Variants in CYP2B6 observed in about 807,000 individuals in gnomAD.
The protein encoded by CYP2B6 is cytochrome P450 2B6.
CYP2B6 carries 35 observed loss-of-function variants against 43.4 expected under a neutral mutation model. The observed-to-expected ratio is 0.81, with a 90% CI of 0.62 to 1.07. CYP2B6 has a LOEUF of 1.07. Ranked by LOEUF, CYP2B6 falls within the 50% of genes least tolerant of loss-of-function variation. CYP2B6 has a pLI of 0.00. For missense variants in CYP2B6, 624 were observed against 632.8 expected (o/e 0.99, Z 0.15); for synonymous variants, 239 against 239.2 (o/e 1.00, Z 0.01).
At chr19:41,004,259 T>G in intron 2 of CYP2B6, 38 bp from the exon 3 acceptor site, 11 of 1,613,860 alleles carry the variant, frequency 6.8e-6, no homozygotes, top group Non-Finnish European at 9.3e-6. Flanking sequence ...TTCTTCCAAC[T>G]TCTTCTACAA....
chr19:41,003,279 T>C (rs1244695535), intron 1 of CYP2B6, among the ~76,000 whole-genome samples: 4 of 152,016 alleles, frequency 2.6e-5, no homozygotes, highest in Non-Finnish European at 5.9e-5. Context: ...CTGAGCACTA[T>C]GCATACTCTT....
chr19:41,013,513 C>A (rs1023568564), intron 8 of CYP2B6, among the ~76,000 whole-genome samples: 4 of 152,074 alleles, frequency 2.6e-5, no homozygotes, highest in African/African-American at 7.3e-5. Context: ...AGGACAAAGG[C>A]CAAAGGTAGA....
At chr19:41,015,559 C>T (rs1330738741) in intron 8 of CYP2B6, among the ~76,000 whole-genome samples, 1 of 152,158 alleles carries the variant, frequency 6.6e-6, no homozygotes, top group Non-Finnish European at 1.5e-5. Context: ...TTCCAGCACC[C>T]TTTGTTCTTA....
Position 41,004,153 on chromosome 19 carries a change from C to G in CYP2B6, c.324C>G (p.Phe108Leu), listed in dbSNP as rs200207800. The change falls in exon 2 of 9, where the codon TTC (phenylalanine) becomes TTG (leucine). Residue 108 changes from phenylalanine (F) to leucine (L), a missense_variant. Phe to Leu is a conservative substitution (Grantham distance 22). Transcript: ENST00000324071. Reference sequence around the variant, plus strand: ...AAATCGCCATGGTCGACCCATTCTTCCGGGGATATGGTGAGAGCCTCAGAG... The same window carrying G: ...AAATCGCCATGGTCGACCCATTCTTGCGGGGATATGGTGAGAGCCTCAGAG... ...RGKIAMVDPFFRGYGVIFANG... is the reference protein window; with the variant it reads ...RGKIAMVDPFLRGYGVIFANG... 7.6e-7 allele frequency: 1 copy of G among 1,314,600 alleles called. No individual in the cohort carries two copies. The highest frequency in any genetic ancestry group is 1.2e-5 in the South Asian group (1 of 86,266). 81.4% of individuals were successfully genotyped at this position (1,314,600 alleles called of 1,614,324 possible). A position where few individuals can be genotyped will look rare whatever the true frequency, so the allele number is the denominator to read the frequency against.
At chr19:40,997,996 G>T (rs553483243) in intron 1 of CYP2B6, among the ~76,000 whole-genome samples, 29 of 152,162 alleles carry the variant, frequency 1.9e-4, no homozygotes, top group Middle Eastern at 3.4e-3. Context: ...CAGCTACTTG[G>T]GAGACTGAGG....
rs35303484 is a variant in CYP2B6 at position 40,991,441 on chromosome 19, A to G, written c.136A>G (p.Met46Val). Residue 46 changes from methionine to valine, a missense_variant, in exon 1 of 9, where the codon ATG (methionine) becomes GTG (valine). Transcript: ENST00000324071. ...PLPLLGNLLQ[M>V]DRRGLLKSFL... ...GCCCCTTTTGGGAAACCTTCTGCAG[A>G]TGGATAGAAGAGGCCTACTCAAATC... 5,367 of 1,613,972 alleles carry G rather than the reference A, an allele frequency of 3.3e-3. 15 individuals are homozygous for G. Among genetic ancestry groups the G allele is most frequent in the Middle Eastern group, 0.011 (69 of 6,030 alleles).
chr19:40,995,591 G>A (rs1197629787), intron 1 of CYP2B6, among the ~76,000 whole-genome samples: 1 of 152,182 alleles, frequency 6.6e-6, no homozygotes, highest in Non-Finnish European at 1.5e-5. Flanking sequence ...TTGGCATAAA[G>A]TATTATAGCC....
chr19:41,016,962 C>T lies in CYP2B6; in HGVS notation c.*135C>T, dbSNP rs1969380666. 8.2e-6 allele frequency: 7 copies of T among 852,352 alleles called. No homozygotes were observed. 52.8% of individuals were successfully genotyped at this position (852,352 alleles called of 1,614,324 possible). ...AAGCCAGCTTCCTTCCCCTCCATGG[C>T]ACCAGTTGTCTGAGGTCACATTGCA... On this transcript the variant is annotated 3_prime_UTR_variant, in exon 9 of 9. Coordinates refer to ENST00000324071, the MANE Select transcript of CYP2B6 (RefSeq NM_000767.5).
At chr19:41,001,319 T>G (rs1969082345) in intron 1 of CYP2B6, among the ~76,000 whole-genome samples, 1 of 152,082 alleles carries the variant, frequency 6.6e-6, no homozygotes, top group Admixed American at 6.6e-5. Context: ...CTAAAACTCT[T>G]TCATAAACCT....
rs1310824490 is a variant in CYP2B6 at position 41,016,387 on chromosome 19, G to A, written c.1295-259G>A. On this transcript the variant is annotated intron_variant, in intron 8 of 8. Coordinates refer to ENST00000324071, the MANE Select transcript of CYP2B6 (RefSeq NM_000767.5). Reference sequence around the variant, plus strand: ...TGTGCTCCAGTCTGGGTGACAAAGAGAGACTCCATCTCAAAAAAAAAAAAA... The same window carrying A: ...TGTGCTCCAGTCTGGGTGACAAAGAAAGACTCCATCTCAAAAAAAAAAAAA... Among the ~76,000 whole-genome samples the A allele has an allele frequency of 7.0e-5, 7 of 100,296 alleles. No homozygotes were observed. In the East Asian group the frequency reaches 2.4e-3, roughly 34 times the overall value. 65.8% of individuals were successfully genotyped at this position (100,296 alleles called of 152,430 possible).
At chr19:40,994,920 C>T (rs1029947096) in intron 1 of CYP2B6, among the ~76,000 whole-genome samples, 87 of 152,212 alleles carry the variant, frequency 5.7e-4, no homozygotes, top group African/African-American at 2.1e-3. Flanking sequence ...CTTTCCACTC[C>T]TCCTTTGGGG....
intron 6 of CYP2B6, among the ~76,000 whole-genome samples, chr19:41,010,822 G>T (rs920125683): frequency 6.6e-6 from 1 of 151,948 alleles, no homozygotes; most frequent in Non-Finnish European, 1.5e-5. Flanking sequence ...AGTCTTCACT[G>T]TGTATCATTC....
rs1969239483 is a variant in CYP2B6 at position 41,009,201 on chromosome 19, A to C, written c.646-18A>C. 12 of 1,606,544 alleles carry C rather than the reference A, an allele frequency of 7.5e-6. No homozygotes were observed. Among genetic ancestry groups the C allele is most frequent in the Non-Finnish European group, 1.0e-5 (12 of 1,174,748 alleles). The stretch of plus-strand genomic sequence containing the variant: ...AGCTCAGCCCTAGGCAAACCTCACC[A>C]CCCCTTCTTTCTTGCAGCTGTTTGA... On this transcript the variant is annotated intron_variant, in intron 4 of 8. Transcript: ENST00000324071.
intron 4 of CYP2B6, 69 bp downstream of exon 4, chr19:41,007,134 T>G: frequency 6.7e-7 from 1 of 1,490,830 alleles, no homozygotes; most frequent in Non-Finnish European, 9.4e-7. Context: ...GAGAAAAGGA[T>G]GACCTGTCTT....
rs758750908 is a variant in CYP2B6 at position 41,010,094 on chromosome 19, G to C, written c.923G>C (p.Arg308Pro). The change falls in exon 6 of 9, where the codon CGC becomes CCC. Residue 308 changes from arginine to proline, a missense_variant. Coordinates refer to ENST00000324071, the MANE Select transcript of CYP2B6 (RefSeq NM_000767.5). ...AGTETTSTTL[R>P]YGFLLMLKYP... The stretch of plus-strand genomic sequence containing the variant: ...ACTGAGACCACCAGCACCACTCTCC[G>C]CTACGGCTTCCTGCTCATGCTCAAA... 6.2e-7 allele frequency: 1 copy of C among 1,613,818 alleles called. No individual in the cohort carries two copies. The highest frequency in any genetic ancestry group is 8.5e-7 in the Non-Finnish European group (1 of 1,180,018).
In CYP2B6 at chr19:41,017,745, C is replaced by T. The variant is rs34404077; in HGVS notation, c.*918C>T. The stretch of plus-strand genomic sequence containing the variant: ...AAAACCCATACCTATCAAGCTGTCA[C>T]TCCCCATACCCCATTCTCTTTTTCA... On this transcript the variant is annotated 3_prime_UTR_variant, in exon 9 of 9. Transcript: ENST00000324071. The T allele has an allele frequency of 6.6e-6, 1 of 152,174 alleles. No individual in the cohort carries two copies. Among genetic ancestry groups the T allele is most frequent in the South Asian group, 2.1e-4 (1 of 4,824 alleles). 9.4% of individuals were successfully genotyped at this position (152,174 alleles called of 1,614,324 possible).
chr19:41,001,838 G>A (rs1969094733), intron 1 of CYP2B6, among the ~76,000 whole-genome samples: 1 of 152,114 alleles, frequency 6.6e-6, no homozygotes, highest in South Asian at 2.1e-4. Flanking sequence ...AACAGATAAG[G>A]AAATGTTAGG....
chr19:41,007,946 C>T (rs1969219556), intron 4 of CYP2B6, among the ~76,000 whole-genome samples: 1 of 151,918 alleles, frequency 6.6e-6, no homozygotes, highest in African/African-American at 2.4e-5. Context: ...TCTTCTGTAT[C>T]CTTGCTTCTC....
chr19:41,004,139 G>C lies in CYP2B6; in HGVS notation c.310G>C (p.Val104Leu). 1 of 1,593,238 alleles carries C rather than the reference G, an allele frequency of 6.3e-7. No individual in the cohort carries two copies. Among genetic ancestry groups the C allele is most frequent in the Non-Finnish European group, 8.6e-7 (1 of 1,169,120 alleles). Residue 104 changes from valine (V) to leucine (L), a missense_variant, in exon 2 of 9, where the codon GTC becomes CTC. Val to Leu is a conservative substitution (Grantham distance 32). Coordinates refer to ENST00000324071, the MANE Select transcript of CYP2B6 (RefSeq NM_000767.5). The stretch of plus-strand genomic sequence containing the variant: ...CTCTGGCCGGGGAAAAATCGCCATG[G>C]TCGACCCATTCTTCCGGGGATATGG... ...AFSGRGKIAMVDPFFRGYGVI... is the reference protein window; with the variant it reads ...AFSGRGKIAMLDPFFRGYGVI...
Sources: gnomAD v4.1 joint callset for allele counts (sites outside exome capture counted in the v4.1 genomes callset) on GRCh38, gnomAD v4.1.1 for gene constraint, MANE v1.5 for transcripts, NCBI Gene and HGNC (gene_info 2026-07-23, HGNC 2026-07-21) for gene names.